Variants in SEMA5A observed in about 807,000 individuals in gnomAD.
The protein encoded by SEMA5A is semaphorin-5A.
SEMA5A carries 55 observed loss-of-function variants against 135.5 expected under a neutral mutation model. The observed-to-expected ratio is 0.41, with a 90% CI of 0.33 to 0.51. SEMA5A has a LOEUF of 0.51. Among genes scored for constraint, SEMA5A ranks in the 20% least tolerant of loss-of-function variants. The pLI, the probability that SEMA5A is intolerant of heterozygous loss-of-function variation, is 0.37. For missense variants in SEMA5A, 1,290 were observed against 1,419.9 expected, an observed-to-expected ratio of 0.91 and a Z score of 1.47; for synonymous variants, 580 against 546.5, an observed-to-expected ratio of 1.06 and a Z score of -0.85.
intron 11 of SEMA5A, among the ~76,000 whole-genome samples, chr5:9,166,297 C>T (rs953646135): frequency 6.6e-6 from 1 of 152,024 alleles, no homozygotes; most frequent in African/African-American, 2.4e-5. Context: ...CATTGTGTGG[C>T]CTCTGGGGCA....
At chr5:9,493,621 G>GT (rs1352153211) in intron 1 of SEMA5A, among the ~76,000 whole-genome samples, 14 of 152,256 alleles carry the variant, frequency 9.2e-5, no homozygotes, top group East Asian at 5.8e-4. Context: ...TAGGATTAAA[G>GT]TTATTTTCCT....
At chr5:9,504,517 T>TA (rs1477722349) in intron 1 of SEMA5A, among the ~76,000 whole-genome samples, 4 of 152,180 alleles carry the variant, frequency 2.6e-5, no homozygotes, top group Non-Finnish European at 4.4e-5. Flanking sequence ...AACCAATAAG[T>TA]ACCGGGGTCT....
intron 5 of SEMA5A, among the ~76,000 whole-genome samples, chr5:9,292,691 CAT>C (rs878913407): frequency 3.3e-5 from 5 of 152,112 alleles, no homozygotes; most frequent in Admixed American, 3.3e-4. Flanking sequence ...CACTCAAGTC[CAT>C]ACAAAGAAAA....
Position 9,083,756 on chromosome 5 carries a change from C to T in SEMA5A, c.2074-17110G>A, listed in dbSNP as rs541345293. Among the ~76,000 whole-genome samples, 9 of 152,274 alleles carry T rather than the reference C, an allele frequency of 5.9e-5. No individual in the cohort carries two copies. In the South Asian group the frequency reaches 1.5e-3, roughly 25 times the overall value. ...AGTTTAAGGAAGACATGTGGAAGTG[C>T]CATCAGCCTCACACCAACTACTTAT... On this transcript the variant is annotated intron_variant, in intron 16 of 22. Coordinates refer to ENST00000382496, the MANE Select transcript of SEMA5A (RefSeq NM_003966.3).
At chr5:9,216,596 C>T (rs1434946173) in intron 8 of SEMA5A, among the ~76,000 whole-genome samples, 1 of 151,616 alleles carries the variant, frequency 6.6e-6, no homozygotes, top group Non-Finnish European at 1.5e-5. Flanking sequence ...GTTAAAGTCT[C>T]ACATTATTAT....
At chr5:9,073,885 A>G (rs1489418914) in intron 16 of SEMA5A, among the ~76,000 whole-genome samples, 1 of 152,106 alleles carries the variant, frequency 6.6e-6, no homozygotes, top group Admixed American at 6.6e-5. Flanking sequence ...TAAAATACTT[A>G]AGATTAAATC....
chr5:9,133,054 GTTTC>G (rs1435974712), intron 13 of SEMA5A, among the ~76,000 whole-genome samples: 1 of 151,974 alleles, frequency 6.6e-6, no homozygotes, highest in Non-Finnish European at 1.5e-5. Context: ...TGTTGTTGTT[GTTTC>G]TTAGCAACAT....
rs1448737746 is a variant in SEMA5A at position 9,224,773 on chromosome 5, T to C, written c.547A>G (p.Thr183Ala). The change falls in exon 8 of 23, where the codon ACA becomes GCA. Residue 183 changes from threonine to alanine, a missense_variant. By Grantham distance (58) the Thr-to-Ala change is moderately conservative. This residue lies in a region of SEMA5A where 145 missense variants were observed against 212.0 expected (regional missense o/e 0.68). Coordinates refer to ENST00000382496, the MANE Select transcript of SEMA5A (RefSeq NM_003966.3). Reference protein sequence around the residue: ...LTAGGELYAATAMDFPGRDPA... With the variant: ...LTAGGELYAAAAMDFPGRDPA... ...TCACGTCCTGGAAAATCCATGGCTG[T>C]AGCAGCATAGAGCTCCCCACCAGCT... 1 of 1,614,150 alleles carries C rather than the reference T, an allele frequency of 6.2e-7. No individual in the cohort carries two copies. Among genetic ancestry groups the C allele is most frequent in the South Asian group, 1.1e-5 (1 of 91,066 alleles).
chr5:9,149,819 G>A (rs1238415664), intron 12 of SEMA5A, among the ~76,000 whole-genome samples: 2 of 152,128 alleles, frequency 1.3e-5, no homozygotes, highest in Non-Finnish European at 2.9e-5. Flanking sequence ...GATTATTAGA[G>A]CACAGGTCCT....
chr5:9,533,937 G>A (rs1424081056), intron 1 of SEMA5A, among the ~76,000 whole-genome samples: 1 of 152,100 alleles, frequency 6.6e-6, no homozygotes, highest in East Asian at 1.9e-4. Flanking sequence ...AAGCAAAACC[G>A]CAAACCAGCA....
At chr5:9,335,700 C>G (rs183771666) in intron 4 of SEMA5A, among the ~76,000 whole-genome samples, 165 of 152,292 alleles carry the variant, frequency 1.1e-3, no homozygotes, top group African/African-American at 3.7e-3. Context: ...TGTATACAGC[C>G]TGCCACTGGC....
At chr5:9,220,398 G>A (rs1368928793) in intron 8 of SEMA5A, among the ~76,000 whole-genome samples, 1 of 151,164 alleles carries the variant, frequency 6.6e-6, no homozygotes, top group Non-Finnish European at 1.5e-5. Flanking sequence ...AGGATAGATG[G>A]GAATCCAAGT....
intron 4 of SEMA5A, among the ~76,000 whole-genome samples, chr5:9,323,595 TTTTA>T (rs1349051321): frequency 2.0e-5 from 3 of 152,024 alleles, no homozygotes; most frequent in Admixed American, 6.6e-5. Context: ...TTTGTTGATT[TTTTA>T]TTTGTTTGAT....
At chr5:9,117,323 A>C (rs1740571705) in intron 15 of SEMA5A, among the ~76,000 whole-genome samples, 1 of 152,138 alleles carries the variant, frequency 6.6e-6, no homozygotes, top group Non-Finnish European at 1.5e-5. Context: ...CCTTGACTCT[A>C]GGGAAGCCTT....
At chr5:9,409,069 G>A (rs984797339) in intron 2 of SEMA5A, among the ~76,000 whole-genome samples, 2 of 152,122 alleles carry the variant, frequency 1.3e-5, no homozygotes, top group African/African-American at 2.4e-5. Context: ...AAGTAACACT[G>A]AATTAGTTGG....
intron 5 of SEMA5A, among the ~76,000 whole-genome samples, chr5:9,314,596 C>G (rs559434800): frequency 5.9e-4 from 90 of 152,064 alleles, no homozygotes; most frequent in African/African-American, 2.0e-3. Context: ...CTTTGTCTAC[C>G]AGTGTGCTTA....
At chr5:9,423,297 G>A (rs1006109615) in intron 2 of SEMA5A, among the ~76,000 whole-genome samples, 1 of 152,140 alleles carries the variant, frequency 6.6e-6, no homozygotes, top group Non-Finnish European at 1.5e-5. Context: ...ACTACTTTCC[G>A]TAATGGCATT....
chr5:9,537,322 G>A (rs1051837841), intron 1 of SEMA5A, among the ~76,000 whole-genome samples: 2 of 152,134 alleles, frequency 1.3e-5, no homozygotes, highest in African/African-American at 2.4e-5. Context: ...TTCCAATCTT[G>A]TAACCAGCCA....
intron 13 of SEMA5A, among the ~76,000 whole-genome samples, chr5:9,130,473 C>T (rs1056614663): frequency 6.6e-6 from 1 of 152,104 alleles, no homozygotes; most frequent in African/African-American, 2.4e-5. Context: ...AAATGCAGTG[C>T]CTCCAAAAAG....
Sources: gnomAD v4.1 joint callset for allele counts (sites outside exome capture counted in the v4.1 genomes callset) on GRCh38, gnomAD v4.1.1 for gene constraint, gnomAD v4.1.1 regional missense constraint, MANE v1.5 for transcripts, NCBI Gene and HGNC (gene_info 2026-07-23, HGNC 2026-07-21) for gene names.